ARL13B: variants seen among roughly 807,000 people sequenced by gnomAD.
ARL13B encodes ARF like GTPase 13B, also known as ADP-ribosylation factor-like protein 13B.
In ARL13B, 36 loss-of-function variants were observed where a neutral mutation model predicts 56.1. That is an observed-to-expected ratio of 0.64 (90% CI 0.49 to 0.85). The LOEUF is 0.85. ARL13B is among the 40% of genes least tolerant of loss of function. The pLI is 0.00. For missense variants in ARL13B, 519 were observed against 507.1 expected (o/e 1.02, Z -0.23); for synonymous variants, 178 against 171.1 (o/e 1.04, Z -0.32).
intron 3 of ARL13B, among the ~76,000 whole-genome samples, chr3:94,006,159 G>A (rs946387712): frequency 2.6e-5 from 4 of 151,956 alleles, no homozygotes; most frequent in African/African-American, 9.7e-5. Flanking sequence ...AAATTAGCCG[G>A]GCATGCGCGC....
intron 5 of ARL13B, among the ~76,000 whole-genome samples, chr3:94,038,972 T>A (rs955705622): frequency 6.6e-6 from 1 of 152,214 alleles, no homozygotes; most frequent in Non-Finnish European, 1.5e-5. Flanking sequence ...CACTGAACAC[T>A]ATTATGGAAG....
rs1560022932 is a variant in ARL13B at position 94,055,399 on chromosome 3, A to G, written c.*2136A>G. 1 of 450,530 alleles carries G rather than the reference A, an allele frequency of 2.2e-6. No individual in the cohort carries two copies. Among genetic ancestry groups the G allele is most frequent in the Non-Finnish European group, 4.5e-6 (1 of 224,308 alleles). The allele number at this position is 450,530 out of a possible 1,614,324, so 27.9% of individuals were successfully genotyped here. ...TTAAATCAGTAGATTAAAATAATGC[A>G]TTTTTTTGATACTTTACACACAAAA... On this transcript the variant is annotated 3_prime_UTR_variant, in exon 10 of 10. Transcript: ENST00000394222.
At chr3:94,033,109 A>G (rs905898150) in intron 3 of ARL13B, among the ~76,000 whole-genome samples, 1 of 152,192 alleles carries the variant, frequency 6.6e-6, no homozygotes, top group Admixed American at 6.5e-5. Context: ...TTTAAAGTGA[A>G]ATAATTCAGA....
chr3:94,004,019 T>C (rs1459165955), intron 3 of ARL13B, 111 bp downstream of exon 3: 1 of 1,487,368 alleles, frequency 6.7e-7, no homozygotes, highest in Non-Finnish European at 9.2e-7. Context: ...TTTAGTATAC[T>C]AAAATGTATG....
chr3:94,026,962 C>G (rs999237334), intron 3 of ARL13B, among the ~76,000 whole-genome samples: 8 of 152,238 alleles, frequency 5.3e-5, no homozygotes, highest in Middle Eastern at 3.4e-3. Flanking sequence ...AAAAGGTTCT[C>G]TGCCCTATTA....
chr3:93,999,426 CT>C (rs1327618985), intron 2 of ARL13B, among the ~76,000 whole-genome samples: 2 of 151,884 alleles, frequency 1.3e-5, no homozygotes, highest in Admixed American at 6.6e-5. Context: ...TTCACAATAG[CT>C]TTTTTTCCCT....
intron 3 of ARL13B, among the ~76,000 whole-genome samples, chr3:94,026,894 T>A (rs1438929487): frequency 6.6e-6 from 1 of 152,156 alleles, no homozygotes; most frequent in Non-Finnish European, 1.5e-5. Flanking sequence ...GTATGTATGA[T>A]AATCAACTTG....
At chr3:94,040,623 C>T (rs2076845228) in intron 6 of ARL13B, among the ~76,000 whole-genome samples, 1 of 150,348 alleles carries the variant, frequency 6.7e-6, no homozygotes, top group South Asian at 2.1e-4. Flanking sequence ...CTGGCAGCAG[C>T]GATGCCTCTT....
In ARL13B at chr3:94,036,600, A is replaced by G. The variant is rs2076772299; in HGVS notation, c.535A>G (p.Ile179Val). Reference sequence around the variant, plus strand: ...GTATGGAAAGAAAATTGACAAGTCCATTAAAAAAGGCCTTTATTGGCTGCT... The same window carrying G: ...GTATGGAAAGAAAATTGACAAGTCCGTTAAAAAAGGCCTTTATTGGCTGCT... The part of the protein sequence containing the change: ...SGYGKKIDKS[I>V]KKGLYWLLHV... The change falls in exon 5 of 10, where the codon ATT (isoleucine) becomes GTT (valine). Residue 179 changes from isoleucine to valine, a missense_variant. By Grantham distance (29) the Ile-to-Val change is conservative. Coordinates refer to ENST00000394222, the MANE Select transcript of ARL13B (RefSeq NM_001174150.2). 3 of 1,614,040 alleles carry G rather than the reference A, an allele frequency of 1.9e-6. No individual in the cohort carries two copies. The highest frequency in any genetic ancestry group is 2.2e-5 in the East Asian group (1 of 44,874).
At chr3:94,043,783 G>A (rs1350447414) in intron 7 of ARL13B, among the ~76,000 whole-genome samples, 2 of 138,936 alleles carry the variant, frequency 1.4e-5, no homozygotes, top group African/African-American at 5.5e-5. Flanking sequence ...TTAGCCTGCC[G>A]AGTGCCTGGG....
intron 1 of ARL13B, among the ~76,000 whole-genome samples, chr3:93,985,136 T>G (rs1490949322): frequency 6.6e-6 from 1 of 152,246 alleles, no homozygotes; most frequent in Admixed American, 6.5e-5. Flanking sequence ...TATACTTTTT[T>G]CTTGTAGTTT....
chr3:94,001,805 C>T (rs907783945), intron 2 of ARL13B, among the ~76,000 whole-genome samples: 1 of 152,134 alleles, frequency 6.6e-6, no homozygotes, highest in African/African-American at 2.4e-5. Context: ...CCTGGGGTTC[C>T]TCTCTATTCA....
intron 3 of ARL13B, among the ~76,000 whole-genome samples, chr3:94,033,862 A>C (rs934890746): frequency 2.0e-5 from 3 of 152,172 alleles, no homozygotes; most frequent in Non-Finnish European, 4.4e-5. Flanking sequence ...GAAATATAGG[A>C]TAGGTATGTT....
chr3:94,007,175 C>A (rs2076149479), intron 3 of ARL13B, among the ~76,000 whole-genome samples: 3 of 152,130 alleles, frequency 2.0e-5, no homozygotes, highest in Non-Finnish European at 2.9e-5. Flanking sequence ...CAATAACAAG[C>A]AAGCAGAAAA....
At chr3:94,025,527 G>T (rs1203131690) in intron 3 of ARL13B, among the ~76,000 whole-genome samples, 1 of 152,128 alleles carries the variant, frequency 6.6e-6, no homozygotes, top group Non-Finnish European at 1.5e-5. Context: ...TCCTATGTTT[G>T]CTGTGGCCAC....
intron 3 of ARL13B, among the ~76,000 whole-genome samples, chr3:94,031,635 A>G (rs2076678340): frequency 6.6e-6 from 1 of 152,188 alleles, no homozygotes; most frequent in South Asian, 2.1e-4. Context: ...TTAAATCCAT[A>G]AGTTCATAAT....
At position 94,054,551 on chromosome 3, in the gene ARL13B, CT is replaced by C; in HGVS notation, c.*1292del. The C allele has an allele frequency of 2.5e-6, 1 of 396,480 alleles. No individual in the cohort carries two copies. The highest frequency in any genetic ancestry group is 4.9e-6 in the Non-Finnish European group (1 of 204,204). 24.6% of individuals were successfully genotyped at this position (396,480 alleles called of 1,614,324 possible). ...TTATACCACCTTGTTAAGATTGGTG[CT>C]TTTGGTAACTTGTACTGACACAACA... On this transcript the variant is annotated 3_prime_UTR_variant, in exon 10 of 10. Coordinates refer to ENST00000394222, the MANE Select transcript of ARL13B (RefSeq NM_001174150.2).
chr3:93,982,087 G>C (rs1214291804), intron 1 of ARL13B, among the ~76,000 whole-genome samples: 2 of 152,154 alleles, frequency 1.3e-5, no homozygotes, highest in African/African-American at 2.4e-5. Context: ...TTCTTTTAAC[G>C]AGAAACAGTG....
intron 3 of ARL13B, among the ~76,000 whole-genome samples, chr3:94,032,221 C>T (rs1293208576): frequency 6.6e-6 from 1 of 152,016 alleles, no homozygotes; most frequent in Admixed American, 6.6e-5. Context: ...AAAAAACAAC[C>T]CCATTAAAAA....
Sources: allele counts gnomAD v4.1 joint callset (sites outside exome capture counted in the v4.1 genomes callset), GRCh38; gene constraint gnomAD v4.1.1; transcripts MANE v1.5; gene names NCBI Gene and HGNC (gene_info 2026-07-23, HGNC 2026-07-21).